Variants in ABCA13 observed in about 807,000 individuals in gnomAD.
ABCA13 encodes the protein ATP binding cassette subfamily A member 13.
A neutral mutation model predicts 478.7 loss-of-function variants in ABCA13; 476 were observed. The observed-to-expected ratio is 0.99, with a 90% CI of 0.92 to 1.07. ABCA13 has a LOEUF of 1.07. Ranked by LOEUF, ABCA13 falls within the 50% of genes least tolerant of loss-of-function variation. ABCA13 has a pLI of 0.00. For synonymous variants in ABCA13, 2,252 were observed against 2,158.9 expected (o/e 1.04, Z -1.20); for missense variants, 6,060 against 5,910.6 (o/e 1.03, Z -0.83).
chr7:48,464,432 G>C (rs1034591683), intron 43 of ABCA13, among the ~76,000 whole-genome samples: 2 of 152,154 alleles, frequency 1.3e-5, no homozygotes, highest in Non-Finnish European at 2.9e-5. Flanking sequence ...TAAACCATAC[G>C]AATATTTTAA....
At chr7:48,349,796 C>T (rs1222720775) in intron 29 of ABCA13, among the ~76,000 whole-genome samples, 2 of 152,196 alleles carry the variant, frequency 1.3e-5, no homozygotes, top group Admixed American at 6.5e-5. Flanking sequence ...GGGAGCAGCT[C>T]ACATCATTTG....
intron 33 of ABCA13, among the ~76,000 whole-genome samples, chr7:48,373,076 A>G (rs1251641503): frequency 1.3e-5 from 2 of 152,200 alleles, no homozygotes; most frequent in East Asian, 1.9e-4. Context: ...GCGAGGGTGA[A>G]CCATCACTAT....
chr7:48,375,076 A>G (rs1297875358), intron 34 of ABCA13, among the ~76,000 whole-genome samples: 10 of 152,198 alleles, frequency 6.6e-5, no homozygotes, highest in Admixed American at 1.3e-4. Flanking sequence ...GTAGGAAAAC[A>G]AGCTCAGGGC....
At position 48,372,339 on chromosome 7, in the gene ABCA13, A is replaced by T; in HGVS notation, c.10975A>T (p.Met3659Leu). The T allele has an allele frequency of 1.2e-6, 2 of 1,613,798 alleles. No homozygotes were observed. The highest frequency in any genetic ancestry group is 1.7e-6 in the Non-Finnish European group (2 of 1,179,842). ...IVFLFLLDFG[M>L]SVVMLSYLLS... ...TTTCCTCTTTCTCTTGGATTTTGGGATGTCAGTCGTCATGCTGAGCTACCT... is the reference window on the plus strand; with the variant it reads ...TTTCCTCTTTCTCTTGGATTTTGGGTTGTCAGTCGTCATGCTGAGCTACCT... The change falls in exon 33 of 62, where the codon ATG (methionine) becomes TTG (leucine). Residue 3659 changes from methionine (M) to leucine (L), a missense_variant. Transcript: ENST00000435803.
chr7:48,564,077 T>A (rs2131281635), intron 55 of ABCA13, among the ~76,000 whole-genome samples: 1 of 147,054 alleles, frequency 6.8e-6, no homozygotes. Context: ...TCCCTCTAGC[T>A]TTTTTCTTTT....
intron 38 of ABCA13, among the ~76,000 whole-genome samples, chr7:48,400,506 T>A (rs1375566702): frequency 6.6e-6 from 1 of 152,244 alleles, no homozygotes; most frequent in East Asian, 1.9e-4. Flanking sequence ...TTGAAAAAAT[T>A]ATTTGCTTCT....
At chr7:48,463,928 A>C (rs1304503672) in intron 43 of ABCA13, among the ~76,000 whole-genome samples, 2 of 151,968 alleles carry the variant, frequency 1.3e-5, no homozygotes, top group Non-Finnish European at 2.9e-5. Context: ...AGTGTTTCTC[A>C]AGGTTGGTTT....
At chr7:48,332,424 A>G (rs1805556765) in intron 27 of ABCA13, among the ~76,000 whole-genome samples, 1 of 152,232 alleles carries the variant, frequency 6.6e-6, no homozygotes, top group South Asian at 2.1e-4. Context: ...ACTTCAAACC[A>G]GGTATGGAAA....
At chr7:48,632,193 C>G (rs1794226148) in intron 59 of ABCA13, among the ~76,000 whole-genome samples, 1 of 152,080 alleles carries the variant, frequency 6.6e-6, no homozygotes, top group Non-Finnish European at 1.5e-5. Flanking sequence ...GCTAGGACTT[C>G]TGGCTGCCTA....
chr7:48,641,721 C>T lies in ABCA13; in HGVS notation c.14838-1567C>T, dbSNP rs1050516545. On this transcript the variant is annotated intron_variant, in intron 59 of 61. Coordinates refer to ENST00000435803, the MANE Select transcript of ABCA13 (RefSeq NM_152701.5). ...TGGAACATAATGTTATGCCCAGACACAGCTGAGAGCTCTCCCAGGAGCATT... is the reference window on the plus strand; with the variant it reads ...TGGAACATAATGTTATGCCCAGACATAGCTGAGAGCTCTCCCAGGAGCATT... 2.6e-5 allele frequency among the ~76,000 whole-genome samples: 4 copies of T among 152,278 alleles called. No individual in the cohort carries two copies. The South Asian group carries it at 6.2e-4, about 24-fold the overall frequency.
chr7:48,619,610 C>T (rs1464357481), intron 59 of ABCA13, among the ~76,000 whole-genome samples: 3 of 152,102 alleles, frequency 2.0e-5, no homozygotes, highest in South Asian at 4.2e-4. Context: ...GGCACATGCC[C>T]GGTGACATCA....
intron 23 of ABCA13, among the ~76,000 whole-genome samples, chr7:48,305,941 G>A (rs1302387855): frequency 6.6e-6 from 1 of 152,160 alleles, no homozygotes; most frequent in Non-Finnish European, 1.5e-5. Flanking sequence ...ATTAGCCTAT[G>A]CAAAGCCCGA....
chr7:48,188,864 G>A (rs1796707855), intron 1 of ABCA13, among the ~76,000 whole-genome samples: 1 of 152,168 alleles, frequency 6.6e-6, no homozygotes. Flanking sequence ...AGTGGAACAG[G>A]GATCTGGGCA....
At chr7:48,224,618 A>T (rs1029244626) in intron 5 of ABCA13, among the ~76,000 whole-genome samples, 1 of 152,184 alleles carries the variant, frequency 6.6e-6, no homozygotes, top group Non-Finnish European at 1.5e-5. Context: ...TTATTTTTAA[A>T]TGGGAAATAA....
intron 35 of ABCA13, among the ~76,000 whole-genome samples, chr7:48,385,623 A>C (rs937489335): frequency 6.6e-6 from 1 of 152,174 alleles, no homozygotes; most frequent in African/African-American, 2.4e-5. Flanking sequence ...AAGAACATAC[A>C]TGGGCATGTG....
intron 23 of ABCA13, 45 bp downstream of exon 23, chr7:48,298,532 C>T (rs1272447195): frequency 1.9e-6 from 3 of 1,589,376 alleles, no homozygotes; most frequent in South Asian, 1.2e-5. Flanking sequence ...ATGGAAGGAG[C>T]CTTAGCCTGA....
At chr7:48,423,984 T>A (rs1252433627) in intron 41 of ABCA13, among the ~76,000 whole-genome samples, 2 of 151,918 alleles carry the variant, frequency 1.3e-5, no homozygotes, top group East Asian at 3.9e-4. Context: ...TCTTATTTGG[T>A]CCATTTGAAT....
chr7:48,638,486 G>C (rs1794861773), intron 59 of ABCA13, among the ~76,000 whole-genome samples: 2 of 152,186 alleles, frequency 1.3e-5, no homozygotes, highest in African/African-American at 4.8e-5. Flanking sequence ...TCTTCTCCAG[G>C]AGGAATGTGA....
At chr7:48,555,557 AG>A (rs1381539897) in intron 55 of ABCA13, among the ~76,000 whole-genome samples, 1 of 151,836 alleles carries the variant, frequency 6.6e-6, no homozygotes, top group African/African-American at 2.4e-5. Flanking sequence ...CAATCTTGGT[AG>A]GTTGTATGTG....
Sources: gnomAD v4.1 joint callset for allele counts (sites outside exome capture counted in the v4.1 genomes callset) on GRCh38, gnomAD v4.1.1 for gene constraint, MANE v1.5 for transcripts, NCBI Gene and HGNC (gene_info 2026-07-23, HGNC 2026-07-21) for gene names.